Variants in FAM81A observed in about 807,000 individuals in gnomAD.
FAM81A encodes the protein family with sequence similarity 81 member A, also known as protein FAM81A.
Under a neutral mutation model 46.7 loss-of-function variants are expected in FAM81A, and 19 were observed. That is an observed-to-expected ratio of 0.41 (90% CI 0.28 to 0.60). The LOEUF (loss-of-function observed/expected upper bound fraction) is 0.60. FAM81A is among the 20% of genes least tolerant of loss of function. FAM81A has a pLI of 0.34. For synonymous variants in FAM81A, 183 were observed against 152.9 expected, an observed-to-expected ratio of 1.20 and a Z score of -1.45; for missense variants, 377 against 453.5, an observed-to-expected ratio of 0.83 and a Z score of 1.53.
chr15:59,485,218 G>T (rs2081903000), intron 3 of FAM81A, among the ~76,000 whole-genome samples: 1 of 152,196 alleles, frequency 6.6e-6, no homozygotes, highest in African/African-American at 2.4e-5. Flanking sequence ...ACACAAGCCT[G>T]GCTGGCTTCA....
chr15:59,507,619 A>T (rs954348744), intron 5 of FAM81A, among the ~76,000 whole-genome samples: 1 of 152,172 alleles, frequency 6.6e-6, no homozygotes, highest in Non-Finnish European at 1.5e-5. Flanking sequence ...AGAAATTCTA[A>T]ATGACACCTT....
At chr15:59,401,989 A>G (rs1438378858) in intron 1 of FAM81A, 4 of 676,040 alleles carry the variant, frequency 5.9e-6, no homozygotes, top group African/African-American at 5.5e-5. Flanking sequence ...AATTCAATAT[A>G]TTTGTTCTGT....
chr15:59,510,889 C>T (rs1332661272), intron 6 of FAM81A, among the ~76,000 whole-genome samples: 2 of 150,840 alleles, frequency 1.3e-5, no homozygotes, highest in Non-Finnish European at 2.9e-5. Context: ...GGTTCGCGCC[C>T]ATAATCCCAG....
intron 4 of FAM81A, among the ~76,000 whole-genome samples, chr15:59,504,539 A>G (rs1439766167): frequency 1.3e-5 from 2 of 152,218 alleles, no homozygotes; most frequent in African/African-American, 4.8e-5. Context: ...TACTTTCTTT[A>G]GAGTCAATAA....
intron 7 of FAM81A, among the ~76,000 whole-genome samples, chr15:59,515,436 G>T (rs998460875): frequency 1.3e-5 from 2 of 152,004 alleles, no homozygotes; most frequent in African/African-American, 4.8e-5. Context: ...GTACATCTCT[G>T]ACTCTGCTCT....
At chr15:59,428,495 A>C (rs529233240) in intron 2 of FAM81A, among the ~76,000 whole-genome samples, 2 of 150,382 alleles carry the variant, frequency 1.3e-5, no homozygotes, top group East Asian at 3.9e-4. Flanking sequence ...GGCTGGTCTC[A>C]AATTCCTGGG....
intron 3 of FAM81A, among the ~76,000 whole-genome samples, chr15:59,463,755 AT>A (rs71119474): frequency 0.78 from 119,042 of 151,970 alleles, 46,898 homozygotes; most frequent in African/African-American, 0.86. Context: ...TGCCATCTTA[AT>A]TACTGTGTCT....
intron 1 of FAM81A, among the ~76,000 whole-genome samples, chr15:59,457,321 C>T (rs193210294): frequency 9.9e-5 from 15 of 152,248 alleles, no homozygotes; most frequent in Non-Finnish European, 1.8e-4. Context: ...TATACCTGGC[C>T]CTGTGAGTCA....
intron 3 of FAM81A, among the ~76,000 whole-genome samples, chr15:59,482,348 G>A (rs927252272): frequency 2.6e-5 from 4 of 152,106 alleles, no homozygotes; most frequent in Admixed American, 1.3e-4. Context: ...GGCTCACTAC[G>A]ATCTCCACTA....
At chr15:59,493,114 GAGGAGCAAATGGC>G (rs2081998538) in intron 4 of FAM81A, among the ~76,000 whole-genome samples, 1 of 152,214 alleles carries the variant, frequency 6.6e-6, no homozygotes, top group African/African-American at 2.4e-5. Flanking sequence ...CACCGGAGCT[GAGGAGCAAATGGC>G]ACTTCCCGTC....
chr15:59,403,864 G>T (rs1162686397), intron 2 of FAM81A, among the ~76,000 whole-genome samples: 1 of 150,348 alleles, frequency 6.7e-6, no homozygotes, highest in Non-Finnish European at 1.5e-5. Context: ...AATTGATGGG[G>T]ACCAAATTGT....
intron 6 of FAM81A, among the ~76,000 whole-genome samples, chr15:59,509,707 G>A (rs1159453350): frequency 6.6e-6 from 1 of 152,204 alleles, no homozygotes; most frequent in Non-Finnish European, 1.5e-5. Context: ...GATGTTTGAG[G>A]TGAGAGCTGA....
At chr15:59,418,183 G>A (rs552958886) in intron 2 of FAM81A, among the ~76,000 whole-genome samples, 2 of 152,230 alleles carry the variant, frequency 1.3e-5, no homozygotes, top group Non-Finnish European at 2.9e-5. Context: ...GCACAAATAC[G>A]GTAGCATTCT....
At chr15:59,505,994 A>C (rs1454949812) in intron 4 of FAM81A, among the ~76,000 whole-genome samples, 1 of 152,004 alleles carries the variant, frequency 6.6e-6, no homozygotes, top group Non-Finnish European at 1.5e-5. Context: ...CTTCCTAACA[A>C]TCTTTAGGGC....
At chr15:59,466,945 A>C (rs1376250046) in intron 3 of FAM81A, among the ~76,000 whole-genome samples, 1 of 152,170 alleles carries the variant, frequency 6.6e-6, no homozygotes, top group Non-Finnish European at 1.5e-5. Flanking sequence ...TTTTCCCAGC[A>C]CCATTTATTA....
At chr15:59,401,347 A>T in intron 1 of FAM81A, 1 of 791,006 alleles carries the variant, frequency 1.3e-6, no homozygotes. Context: ...CCTCCATGGC[A>T]GTACCTTTGG....
At chr15:59,425,273 T>G (rs989050683) in intron 2 of FAM81A, among the ~76,000 whole-genome samples, 4 of 152,138 alleles carry the variant, frequency 2.6e-5, no homozygotes, top group Admixed American at 1.3e-4. Context: ...ATGAAGAAAT[T>G]GAGGCTCAAA....
intron 1 of FAM81A, among the ~76,000 whole-genome samples, chr15:59,444,775 C>T (rs1166815997): frequency 1.3e-5 from 2 of 152,062 alleles, no homozygotes; most frequent in East Asian, 3.8e-4. Flanking sequence ...TATTTTTTGA[C>T]TTATTGGATG....
intron 1 of FAM81A, among the ~76,000 whole-genome samples, chr15:59,446,170 C>G (rs1427441462): frequency 2.0e-5 from 3 of 152,198 alleles, no homozygotes; most frequent in African/African-American, 7.2e-5. Context: ...GATGTGGTTT[C>G]CGCTGCCCTA....
Sources: gnomAD v4.1 joint callset for allele counts (sites outside exome capture counted in the v4.1 genomes callset) on GRCh38, gnomAD v4.1.1 for gene constraint, MANE v1.5 for transcripts, NCBI Gene and HGNC (gene_info 2026-07-23, HGNC 2026-07-21) for gene names.